Variants in PLPPR1 observed in about 807,000 individuals in gnomAD.
The protein encoded by PLPPR1 is phospholipid phosphatase related 1, also known as phospholipid phosphatase-related protein type 1.
A neutral mutation model predicts 33.1 loss-of-function variants in PLPPR1; 10 were observed. The ratio of observed to expected loss-of-function variants is 0.30; its 90% CI spans 0.19 to 0.51. PLPPR1 has a LOEUF of 0.51. Among genes scored for constraint, PLPPR1 ranks in the 20% least tolerant of loss-of-function variants. The pLI, the probability that PLPPR1 is intolerant of heterozygous loss-of-function variation, is 0.97. For synonymous variants in PLPPR1, 151 were observed against 151.0 expected (o/e 1.00, Z 0.00); for missense variants, 304 against 408.1 (o/e 0.74, Z 2.20).
chr9:101,083,443 A>C (rs138363287), intron 1 of PLPPR1, among the ~76,000 whole-genome samples: 2 of 152,234 alleles, frequency 1.3e-5, no homozygotes, highest in Non-Finnish European at 2.9e-5. Context: ...AGCATGTAGT[A>C]AATGAAGCCT....
In PLPPR1 at chr9:101,211,766, T is replaced by G. The variant is rs183863207; in HGVS notation, c.63+26209T>G. Reference sequence around the variant, plus strand: ...AGAAGGAGTAACTTTCTTCTTAGAATCCAAACTAAAAATGGATCTTTCATT... The same window carrying G: ...AGAAGGAGTAACTTTCTTCTTAGAAGCCAAACTAAAAATGGATCTTTCATT... On this transcript the variant is annotated intron_variant, in intron 2 of 7. Transcript: ENST00000374874. Among the ~76,000 whole-genome samples, 685 of 152,304 alleles carry G rather than the reference T, an allele frequency of 4.5e-3. 6 individuals carry two copies. The highest frequency in any genetic ancestry group is 0.015 in the African/African-American group (638 of 41,572).
chr9:101,146,487 A>G (rs1215035214), intron 1 of PLPPR1, among the ~76,000 whole-genome samples: 8 of 152,234 alleles, frequency 5.3e-5, no homozygotes, highest in Admixed American at 5.2e-4. Flanking sequence ...CTATGCAGAA[A>G]GAAAGGCAGG....
chr9:101,232,281 T>A (rs1827203186), intron 2 of PLPPR1, among the ~76,000 whole-genome samples: 1 of 151,928 alleles, frequency 6.6e-6, no homozygotes, highest in Admixed American at 6.6e-5. Flanking sequence ...TCTCATCTGC[T>A]CTCCTGGTTC....
chr9:101,260,003 C>G (rs1050746889), intron 2 of PLPPR1, among the ~76,000 whole-genome samples: 8 of 152,002 alleles, frequency 5.3e-5, no homozygotes, highest in African/African-American at 1.9e-4. Context: ...ACAGGTTTTC[C>G]CTAAGAAGTT....
intron 1 of PLPPR1, among the ~76,000 whole-genome samples, chr9:101,045,366 G>C (rs949862805): frequency 6.6e-6 from 1 of 152,158 alleles, no homozygotes. Flanking sequence ...ATTTAAGTAT[G>C]TATTAAATAT....
At chr9:101,196,463 AT>A (rs1826394738) in intron 2 of PLPPR1, among the ~76,000 whole-genome samples, 1 of 152,236 alleles carries the variant, frequency 6.6e-6, no homozygotes, top group Admixed American at 6.5e-5. Context: ...TTATCACAAA[AT>A]TGTTAATAAT....
chr9:101,302,222 C>G (rs1019649406), intron 4 of PLPPR1, among the ~76,000 whole-genome samples: 11 of 152,168 alleles, frequency 7.2e-5, no homozygotes, highest in Non-Finnish European at 1.6e-4. Context: ...TTGCAAAGCA[C>G]TTAGAACAAT....
chr9:101,288,549 T>C (rs1444436886), intron 4 of PLPPR1, among the ~76,000 whole-genome samples: 2 of 151,436 alleles, frequency 1.3e-5, no homozygotes, highest in Non-Finnish European at 2.9e-5. Flanking sequence ...AGGGGATTGC[T>C]GGGTTTAGTA....
At chr9:101,279,574 G>A (rs1271820228) in intron 3 of PLPPR1, among the ~76,000 whole-genome samples, 1 of 152,032 alleles carries the variant, frequency 6.6e-6, no homozygotes, top group East Asian at 1.9e-4. Flanking sequence ...TAATATCTTA[G>A]GACATTAAAA....
chr9:101,135,262 A>G (rs1831364869), intron 1 of PLPPR1, among the ~76,000 whole-genome samples: 1 of 152,202 alleles, frequency 6.6e-6, no homozygotes, highest in African/African-American at 2.4e-5. Context: ...TTCATAGGCC[A>G]CTCAAACAAA....
At chr9:101,270,185 T>C in intron 3 of PLPPR1, 117 bp downstream of exon 3, 1 of 1,084,998 alleles carries the variant, frequency 9.2e-7, no homozygotes, top group Non-Finnish European at 1.3e-6. Flanking sequence ...ATCAGTGGCA[T>C]CCTATTTCAG....
chr9:101,292,998 A>C (rs1828545534), intron 4 of PLPPR1, among the ~76,000 whole-genome samples: 1 of 152,206 alleles, frequency 6.6e-6, no homozygotes, highest in African/African-American at 2.4e-5. Flanking sequence ...CAATTAAAAG[A>C]CACAGACTGG....
intron 2 of PLPPR1, among the ~76,000 whole-genome samples, chr9:101,216,320 G>A (rs986514850): frequency 3.3e-5 from 5 of 152,050 alleles, no homozygotes; most frequent in African/African-American, 1.2e-4. Context: ...CCATTTGTAT[G>A]TCTTCTTTTG....
chr9:101,135,496 C>T (rs1831367622), intron 1 of PLPPR1, among the ~76,000 whole-genome samples: 4 of 152,138 alleles, frequency 2.6e-5, no homozygotes, highest in African/African-American at 7.2e-5. Context: ...GGTTTTCCTA[C>T]GGTGTATTTT....
intron 2 of PLPPR1, among the ~76,000 whole-genome samples, chr9:101,209,891 A>G (rs1256442314): frequency 2.6e-5 from 4 of 152,206 alleles, no homozygotes; most frequent in Admixed American, 2.0e-4. Context: ...CAAGATTGAC[A>G]TTGATTCCTG....
intron 7 of PLPPR1, chr9:101,322,587 G>T (rs1360548249): frequency 6.6e-6 from 1 of 152,094 alleles, no homozygotes; most frequent in Non-Finnish European, 1.5e-5. Flanking sequence ...AAATAACCTT[G>T]TAAACAGTGA....
intron 2 of PLPPR1, among the ~76,000 whole-genome samples, chr9:101,248,939 T>G (rs530781293): frequency 6.6e-6 from 1 of 152,058 alleles, no homozygotes; most frequent in Non-Finnish European, 1.5e-5. Flanking sequence ...GGGAGTATAA[T>G]AACATCTTCC....
intron 2 of PLPPR1, among the ~76,000 whole-genome samples, chr9:101,222,476 C>A (rs2255159): frequency 0.72 from 108,982 of 151,996 alleles, 39,638 homozygotes; most frequent in East Asian, 0.99. Context: ...GACCAGGAGG[C>A]AACCTGTGTG....
In PLPPR1 at chr9:101,101,709, C is replaced by CA. The variant is rs1830903406; in HGVS notation, c.-46+72611dup. The stretch of plus-strand genomic sequence containing the variant: ...GGACCATATGGTTCAAACCCTTGAA[C>CA]AAAACTATTAGCTCCTTGAGGGCAA... On this transcript the variant is annotated intron_variant, in intron 1 of 7. Coordinates refer to ENST00000374874, the MANE Select transcript of PLPPR1 (RefSeq NM_207299.2). Among the ~76,000 whole-genome samples the CA allele has an allele frequency of 3.3e-5, 5 of 152,148 alleles. No homozygotes were observed. In the South Asian group the frequency reaches 1.0e-3, roughly 32 times the overall value.
Sources: allele counts gnomAD v4.1 joint callset (sites outside exome capture counted in the v4.1 genomes callset), GRCh38; gene constraint gnomAD v4.1.1; transcripts MANE v1.5; gene names NCBI Gene and HGNC (gene_info 2026-07-23, HGNC 2026-07-21).